The following MCF2L variants were observed in gnomAD, a reference collection of about 807,000 sequenced individuals.
The protein encoded by MCF2L is MCF.2 cell line derived transforming sequence like, also known as guanine nucleotide exchange factor DBS.
A neutral mutation model predicts 153.4 loss-of-function variants in MCF2L; 97 were observed. The ratio of observed to expected loss-of-function variants is 0.63; its 90% CI spans 0.54 to 0.75. The LOEUF is 0.75. Among genes scored for constraint, MCF2L ranks in the 30% least tolerant of loss-of-function variants. The probability of loss-of-function intolerance (pLI) is 0.00; values close to 1 mark genes in which losing one functional copy is unlikely to be tolerated. For missense variants in MCF2L, 1,347 were observed against 1,495.2 expected, an observed-to-expected ratio of 0.90 and a Z score of 1.64; for synonymous variants, 659 against 632.2, an observed-to-expected ratio of 1.04 and a Z score of -0.64.
In MCF2L at chr13:112,983,406, C is replaced by T. The variant is rs972153744; in HGVS notation, c.79+13948C>T. Among the ~76,000 whole-genome samples, 19 of 152,236 alleles carry T rather than the reference C, an allele frequency of 1.2e-4. No homozygotes were observed. Among genetic ancestry groups the T allele is most frequent in the African/African-American group, 4.3e-4 (18 of 41,462 alleles). Reference sequence around the variant, plus strand: ...CGGACCTCACAATTGCAGGATGAGCCTCCTCCCTTCTATCCGGCAGGTGGC... The same window carrying T: ...CGGACCTCACAATTGCAGGATGAGCTTCCTCCCTTCTATCCGGCAGGTGGC... On this transcript the variant is annotated intron_variant, in intron 1 of 29. Coordinates refer to ENST00000535094, the MANE Select transcript of MCF2L (RefSeq NM_001112732.3). The surrounding 1 kb of genome is among the most constrained non-coding windows in gnomAD (Gnocchi z 4.0).
At chr13:112,933,337 G>A (rs1157429436) in intron 2 of MCF2L, among the ~76,000 whole-genome samples, 1 of 152,212 alleles carries the variant, frequency 6.6e-6, no homozygotes, top group Non-Finnish European at 1.5e-5. Context: ...CGTGGAAGCT[G>A]TGCTCCAGGA....
intron 1 of MCF2L, among the ~76,000 whole-genome samples, chr13:112,987,300 C>T (rs9577408): frequency 6.6e-6 from 1 of 152,032 alleles, no homozygotes; most frequent in East Asian, 1.9e-4. Context: ...GGGTGGCGTG[C>T]GCCTGGAGCA....
intron 1 of MCF2L, chr13:113,001,921 G>T: frequency 1.3e-6 from 2 of 1,593,792 alleles, no homozygotes; most frequent in South Asian, 1.1e-5. Context: ...ATGACGGTGC[G>T]CCGGCTGTCA....
At chr13:112,961,102 CATCT>C (rs1263473358) in intron 2 of MCF2L, among the ~76,000 whole-genome samples, 39 of 22,028 alleles carry the variant, frequency 1.8e-3, no homozygotes, top group African/African-American at 6.9e-3. Flanking sequence ...CTCCACGTTG[CATCT>C]GCTATGCCTC....
At position 112,907,274 on chromosome 13, in the gene MCF2L, A is replaced by G. The variant is rs1341701913; in HGVS notation, c.169+4903A>G. Among the ~76,000 whole-genome samples the G allele has an allele frequency of 6.6e-6, 1 of 152,238 alleles. No individual in the cohort carries two copies. The highest frequency in any genetic ancestry group is 2.4e-5 in the African/African-American group (1 of 41,464). ...ATGAGTCTCACAGAGGGGTTTGCAG[A>G]AACAATTAGCTGGAGCTGAAAATGT... is the stretch of plus-strand genomic sequence containing the variant. On this transcript the variant is annotated intron_variant, in intron 2 of 29. Coordinates refer to the MCF2L transcript ENST00000375608. This position sits in a 1 kb window ranked among gnomAD's most constrained non-coding sequence, Gnocchi z 5.1.
At chr13:112,980,665 G>GCCTTCCCCTTTCCCCCA (rs1566683802) in intron 1 of MCF2L, among the ~76,000 whole-genome samples, 2 of 63,476 alleles carry the variant, frequency 3.2e-5, no homozygotes, top group Non-Finnish European at 3.9e-5. Context: ...CCTTTCCCCC[G>GCCTTCCCCTTTCCCCCA]CCTTGGGCAC....
chr13:113,095,844 T>C lies in MCF2L; in HGVS notation c.3076-527T>C, dbSNP rs975548128. ...CGTGTTCCATGACATCTGTGCAGCA[T>C]CCGCTGTGTGCCAGGCACAGTTCTA... On this transcript the variant is annotated intron_variant, in intron 27 of 29. Transcript: ENST00000535094. 3.0e-6 allele frequency: 3 copies of C among 988,456 alleles called. No individual in the cohort carries two copies. In the African/African-American group the frequency reaches 5.3e-5, roughly 17 times the overall value. The allele number at this position is 988,456 out of a possible 1,614,324, so 61.2% of individuals were successfully genotyped here.
At chr13:112,895,656 G>A (rs1270211233) in intron 1 of MCF2L, among the ~76,000 whole-genome samples, 1 of 152,192 alleles carries the variant, frequency 6.6e-6, no homozygotes, top group Non-Finnish European at 1.5e-5. Flanking sequence ...CCGGGAGCCT[G>A]TGGAGCCCTC....
intron 1 of MCF2L, chr13:113,009,151 C>G (rs908485133): frequency 2.0e-5 from 3 of 152,292 alleles, no homozygotes; most frequent in African/African-American, 7.2e-5. Flanking sequence ...CTGCCCCCCA[C>G]GTGGGAGTCC....
chr13:113,065,810 C>T (rs1410111678), intron 7 of MCF2L, among the ~76,000 whole-genome samples: 1 of 152,232 alleles, frequency 6.6e-6, no homozygotes, highest in African/African-American at 2.4e-5. Flanking sequence ...AACCCGTTGC[C>T]CTGAGTGCCC....
chr13:112,919,336 G>A (rs2081329994), intron 2 of MCF2L, among the ~76,000 whole-genome samples: 1 of 148,858 alleles, frequency 6.7e-6, no homozygotes, highest in Non-Finnish European at 1.5e-5. Context: ...CTCCCAAGTA[G>A]CTGGGACTAC....
In MCF2L at chr13:113,024,840, C is replaced by T. The variant is rs867788580; in HGVS notation, c.278+82C>T. ...TTTCACCAGGGTGGGGTCCCTGCAACTATGGGATGAGGCAGAGTCCCTGTG... is the reference window on the plus strand; with the variant it reads ...TTTCACCAGGGTGGGGTCCCTGCAATTATGGGATGAGGCAGAGTCCCTGTG... On this transcript the variant is annotated intron_variant, in intron 3 of 29. Coordinates refer to ENST00000535094, the MANE Select transcript of MCF2L (RefSeq NM_001112732.3). 11 of 1,099,016 alleles carry T rather than the reference C, an allele frequency of 1.0e-5. No individual in the cohort carries two copies. The Middle Eastern group carries it at 2.2e-3, about 217-fold the overall frequency. 68.1% of individuals were successfully genotyped at this position (1,099,016 alleles called of 1,614,324 possible).
rs374037949 is a variant in MCF2L, at chr13:113,062,598, G to A, written c.490-1706G>A. Among the ~76,000 whole-genome samples the A allele has an allele frequency of 4.5e-3, 685 of 152,090 alleles. 5 individuals are homozygous for A. Among genetic ancestry groups the A allele is most frequent in the Non-Finnish European group, 6.8e-3 (459 of 67,992 alleles). ...CAAAATGGGTTTCACAGAAATCACC[G>A]GCATCTTCAAACTCACAGCCCCACT... On this transcript the variant is annotated intron_variant, in intron 5 of 29. Transcript: ENST00000535094.
chr13:112,906,378 G>T (rs115712087), intron 2 of MCF2L, among the ~76,000 whole-genome samples: 1,998 of 152,338 alleles, frequency 0.013, 47 homozygotes, highest in African/African-American at 0.045. Flanking sequence ...AGGTGAATGG[G>T]GAAGGCGTGG....
chr13:112,929,047 A>G (rs1312648900), intron 2 of MCF2L, among the ~76,000 whole-genome samples: 1 of 152,160 alleles, frequency 6.6e-6, no homozygotes, highest in African/African-American at 2.4e-5. Flanking sequence ...CAGATGACAA[A>G]CAGAGGTTCA....
chr13:112,957,581 G>A (rs1018538819), intron 2 of MCF2L: 2 of 150,780 alleles, frequency 1.3e-5, no homozygotes, highest in African/African-American at 2.4e-5. Context: ...GTGGCCAGTC[G>A]TGCTGTTTCA....
At chr13:113,001,521 A>T (rs1594577916) in intron 1 of MCF2L, 1 of 221,580 alleles carries the variant, frequency 4.5e-6, no homozygotes, top group East Asian at 1.2e-4. Context: ...TCTGCTAAGC[A>T]TGGCCCCTGC....
At chr13:112,914,432 A>T (rs1459690890) in intron 2 of MCF2L, among the ~76,000 whole-genome samples, 1 of 152,162 alleles carries the variant, frequency 6.6e-6, no homozygotes, top group Admixed American at 6.5e-5. Context: ...GCACTACTGT[A>T]GTGGTGCAAT....
intron 26 of MCF2L, chr13:113,090,965 G>C: frequency 8.2e-7 from 1 of 1,217,414 alleles, no homozygotes; most frequent in Non-Finnish European, 1.0e-6. Flanking sequence ...TCGGCTCCCT[G>C]TGTTTTGCTC....
Sources: allele counts gnomAD v4.1 joint callset (sites outside exome capture counted in the v4.1 genomes callset), GRCh38; gene constraint gnomAD v4.1.1; non-coding constraint Gnocchi (gnomAD v3.1); transcripts MANE v1.5; gene names NCBI Gene and HGNC (gene_info 2026-07-23, HGNC 2026-07-21).